The following RAB38 variants were observed in gnomAD, a reference collection of about 807,000 sequenced individuals.
RAB38 encodes ras-related protein Rab-38.
In RAB38, 15 loss-of-function variants were observed where a neutral mutation model predicts 18.4. The observed-to-expected ratio is 0.82, with a 90% CI of 0.55 to 1.26. RAB38 has a LOEUF of 1.26. Ranked by LOEUF, RAB38 falls within the 50% of genes most tolerant of loss-of-function variation. RAB38 has a pLI of 0.00. For synonymous variants in RAB38, 101 were observed against 104.4 expected, an observed-to-expected ratio of 0.97 and a Z score of 0.20; for missense variants, 294 against 267.4, an observed-to-expected ratio of 1.10 and a Z score of -0.69.
the RAB38 span, among the ~76,000 whole-genome samples, chr11:87,836,006 A>C: frequency 6.6e-6 from 1 of 152,138 alleles, no homozygotes; most frequent in African/African-American, 2.4e-5. Flanking sequence ...TTTAACCTAT[A>C]CTTTTTCTTC....
At chr11:87,849,652 C>T in the RAB38 span, among the ~76,000 whole-genome samples, 1 of 152,122 alleles carries the variant, frequency 6.6e-6, no homozygotes, top group African/African-American at 2.4e-5. Context: ...TTGTCCTTTT[C>T]TGCCAGCTGG....
At chr11:88,082,022 T>G in the RAB38 span, among the ~76,000 whole-genome samples, 2 of 151,896 alleles carry the variant, frequency 1.3e-5, no homozygotes, top group Non-Finnish European at 2.9e-5. Flanking sequence ...TATGCTATGA[T>G]TTCATTTACG....
chr11:87,922,317 T>C, the RAB38 span, among the ~76,000 whole-genome samples: 1 of 152,020 alleles, frequency 6.6e-6, no homozygotes, highest in Non-Finnish European at 1.5e-5. Flanking sequence ...TTCTGGACCA[T>C]CTTTATTTCA....
intron 2 of RAB38, among the ~76,000 whole-genome samples, chr11:88,147,635 G>A (rs1052317856): frequency 2.6e-5 from 4 of 151,844 alleles, no homozygotes; most frequent in Non-Finnish European, 4.4e-5. Context: ...GCTCACGCCT[G>A]TAATCCCAGC....
intron 2 of RAB38, among the ~76,000 whole-genome samples, chr11:88,117,686 T>C (rs1007913985): frequency 2.0e-5 from 3 of 152,184 alleles, no homozygotes; most frequent in South Asian, 2.1e-4. Flanking sequence ...CAAACCCTTA[T>C]CTTAGTTCCC....
At chr11:88,101,365 G>A in the RAB38 span, among the ~76,000 whole-genome samples, 1 of 151,698 alleles carries the variant, frequency 6.6e-6, no homozygotes, top group African/African-American at 2.4e-5. Context: ...TCATTTAAAG[G>A]CAAATTATTT....
At chr11:88,163,448 T>A (rs912531383) in intron 1 of RAB38, among the ~76,000 whole-genome samples, 9 of 152,170 alleles carry the variant, frequency 5.9e-5, no homozygotes, top group Non-Finnish European at 1.3e-4. Context: ...AAATATCTGT[T>A]CATAATTCAG....
At chr11:88,070,722 T>C in the RAB38 span, among the ~76,000 whole-genome samples, 1 of 152,134 alleles carries the variant, frequency 6.6e-6, no homozygotes, top group East Asian at 1.9e-4. Context: ...GGATGAAGAA[T>C]GCTGAAAGAC....
chr11:87,902,666 T>C, the RAB38 span, among the ~76,000 whole-genome samples: 2 of 151,420 alleles, frequency 1.3e-5, no homozygotes, highest in Non-Finnish European at 3.0e-5. Flanking sequence ...TATCTTACTA[T>C]TTATTTAGGT....
chr11:88,031,427 G>A, the RAB38 span, among the ~76,000 whole-genome samples: 3 of 151,470 alleles, frequency 2.0e-5, no homozygotes, highest in African/African-American at 7.3e-5. Context: ...TAGGAAAAGA[G>A]GAAGTCAAAT....
At chr11:87,956,622 C>T in the RAB38 span, among the ~76,000 whole-genome samples, 4 of 152,106 alleles carry the variant, frequency 2.6e-5, no homozygotes, top group African/African-American at 9.7e-5. Flanking sequence ...TTTGTGGGAG[C>T]TCAGAACATG....
chr11:87,947,388 TTTAA>T, the RAB38 span, among the ~76,000 whole-genome samples: 1 of 152,314 alleles, frequency 6.6e-6, no homozygotes, highest in Non-Finnish European at 1.5e-5. Context: ...AGCTCTTTAG[TTTAA>T]TTAGATCCCA....
At chr11:87,966,676 T>C in the RAB38 span, among the ~76,000 whole-genome samples, 636 of 152,308 alleles carry the variant, frequency 4.2e-3, 3 homozygotes, top group African/African-American at 0.014. Context: ...TGACTGGCAT[T>C]GTCTCTAGCC....
chr11:87,846,268 A>T, the RAB38 span, among the ~76,000 whole-genome samples: 1 of 152,050 alleles, frequency 6.6e-6, no homozygotes, highest in African/African-American at 2.4e-5. Flanking sequence ...ATAAAACGTT[A>T]TTGGTTTCGT....
chr11:88,033,156 T>A, the RAB38 span, among the ~76,000 whole-genome samples: 1 of 151,414 alleles, frequency 6.6e-6, no homozygotes. Flanking sequence ...ATATTCTCAC[T>A]CATAGGTGGG....
At chr11:88,046,183 C>T in the RAB38 span, among the ~76,000 whole-genome samples, 9 of 152,122 alleles carry the variant, frequency 5.9e-5, no homozygotes, top group South Asian at 2.1e-4. Context: ...TATCCCATCC[C>T]GCAGCACGCT....
At chr11:88,125,195 G>A (rs990046243) in intron 2 of RAB38, among the ~76,000 whole-genome samples, 8 of 151,994 alleles carry the variant, frequency 5.3e-5, no homozygotes, top group African/African-American at 1.2e-4. Context: ...AAAATATCTT[G>A]TGGGCTCACA....
chr11:88,042,471 C>T, the RAB38 span, among the ~76,000 whole-genome samples: 1 of 152,166 alleles, frequency 6.6e-6, no homozygotes, highest in Non-Finnish European at 1.5e-5. Flanking sequence ...TTCAGAGCAC[C>T]TCAGGTCAGT....
At chr11:87,879,449 C>T in the RAB38 span, 1 of 150,936 alleles carries the variant, frequency 6.6e-6, no homozygotes, top group East Asian at 2.0e-4. Flanking sequence ...ACAACAACAA[C>T]AAAAATATTT....
Sources: gnomAD v4.1 joint callset for allele counts (sites outside exome capture counted in the v4.1 genomes callset) on GRCh38, gnomAD v4.1.1 for gene constraint, MANE v1.5 for transcripts, NCBI Gene and HGNC (gene_info 2026-07-23, HGNC 2026-07-21) for gene names.